Variants in ZDHHC7 observed in about 807,000 individuals in gnomAD.
ZDHHC7 encodes palmitoyltransferase ZDHHC7.
In ZDHHC7, 12 loss-of-function variants were observed where a neutral mutation model predicts 34.1. The observed-to-expected ratio is 0.35, with a 90% CI of 0.23 to 0.57. The LOEUF (loss-of-function observed/expected upper bound fraction) is 0.57. ZDHHC7 is among the 20% of genes least tolerant of loss of function. The pLI is 0.84. For synonymous variants in ZDHHC7, 185 were observed against 155.4 expected, an observed-to-expected ratio of 1.19 and a Z score of -1.42; for missense variants, 388 against 402.7, an observed-to-expected ratio of 0.96 and a Z score of 0.31.
rs564143334 is a variant in ZDHHC7, at chr16:85,008,677, G to A, written c.-104+2609C>T. 1.2e-4 allele frequency among the ~76,000 whole-genome samples: 19 copies of A among 152,054 alleles called. No homozygotes were observed. In the South Asian group the frequency reaches 3.9e-3, roughly 32 times the overall value. ...CAGCAAGTTGTTAACACTGACCCTG[G>A]AGACTAACTTTGGGAATAAGATATT... On this transcript the variant is annotated intron_variant, in intron 1 of 7. Coordinates refer to ENST00000313732, the MANE Select transcript of ZDHHC7 (RefSeq NM_017740.3).
At chr16:84,987,153 G>GC (rs2072447257) in intron 3 of ZDHHC7, among the ~76,000 whole-genome samples, 1 of 152,210 alleles carries the variant, frequency 6.6e-6, no homozygotes, top group Non-Finnish European at 1.5e-5. Context: ...GCAGCCAGAA[G>GC]CATCCTTGCC....
chr16:84,989,881 C>G (rs564416883), intron 3 of ZDHHC7, among the ~76,000 whole-genome samples: 9 of 152,262 alleles, frequency 5.9e-5, no homozygotes, highest in African/African-American at 2.2e-4. Context: ...CTACTGACTG[C>G]TAATACCTGA....
At chr16:85,011,097 A>AG (rs967799230) in intron 1 of ZDHHC7, among the ~76,000 whole-genome samples, 189 bp downstream of exon 1, 35 of 152,242 alleles carry the variant, frequency 2.3e-4, no homozygotes, top group Admixed American at 3.3e-4. Context: ...AGGAATGACA[A>AG]GGGGGCACCT....
At chr16:84,982,132 C>A in intron 3 of ZDHHC7, 138 bp from the exon 4 acceptor site, 2 of 1,073,960 alleles carry the variant, frequency 1.9e-6, no homozygotes, top group Non-Finnish European at 2.7e-6. Context: ...GAGTTCAAGA[C>A]CAGCCTGGCC....
At chr16:85,009,045 CAA>C (rs58054151) in intron 1 of ZDHHC7, among the ~76,000 whole-genome samples, 25,312 of 138,758 alleles carry the variant, frequency 0.18, 3,000 homozygotes, top group East Asian at 0.34. Flanking sequence ...AACTCCGTCT[CAA>C]AAAAAAAAAA....
At chr16:85,015,820 GAAC>G (rs1358640175), upstream of ZDHHC7, among the ~76,000 whole-genome samples, 1 of 150,036 alleles carries the variant, frequency 6.7e-6, no homozygotes, top group Non-Finnish European at 1.5e-5. Flanking sequence ...TAGGGAGACA[GAAC>G]AAGATCCTAT....
intron 2 of ZDHHC7, among the ~76,000 whole-genome samples, chr16:84,991,102 A>C (rs189397010): frequency 1.3e-5 from 2 of 152,330 alleles, no homozygotes; most frequent in Non-Finnish European, 2.9e-5. Context: ...ATGACGAGTA[A>C]GTCACTGGTT....
Position 84,990,522 on chromosome 16 carries a change from C to G in ZDHHC7, c.97G>C (p.Ala33Pro). The G allele has an allele frequency of 1.2e-6, 2 of 1,614,186 alleles. No individual in the cohort carries two copies. Among genetic ancestry groups the G allele is most frequent in the Non-Finnish European group, 8.5e-7 (1 of 1,180,040 alleles). Residue 33 changes from alanine to proline, a missense_variant, in exon 3 of 8, where the codon GCT (alanine) becomes CCT (proline). Ala to Pro is a conservative substitution (Grantham distance 27). Transcript: ENST00000313732. ...AACCAGACCCGGTCAGCCACGTCAG[C>G]CTCGGAGGAGGAGGACGATGAAGAG... is the stretch of plus-strand genomic sequence containing the variant. Reference protein sequence around the residue: ...YDSSSSSSSEADVADRVWFIR... With the variant: ...YDSSSSSSSEPDVADRVWFIR...
At chr16:85,022,774 G>C in the ZDHHC7 span, among the ~76,000 whole-genome samples, 3 of 152,172 alleles carry the variant, frequency 2.0e-5, no homozygotes, top group Non-Finnish European at 2.9e-5. Context: ...TAGACAGTAT[G>C]TGCCTCCTGA....
chr16:85,005,251 C>T (rs1413106991), intron 1 of ZDHHC7, among the ~76,000 whole-genome samples: 1 of 152,196 alleles, frequency 6.6e-6, no homozygotes, highest in East Asian at 1.9e-4. Flanking sequence ...CCTAGAGTTT[C>T]CCTGTTTAAT....
In ZDHHC7 at chr16:84,990,296, G is replaced by A. The variant is rs776850275; in HGVS notation, c.315+8C>T. ...AGAGAGCCACCCAGAGACGCAGCCA[G>A]TACTCACAGGGTCGGTGAGCATGGT... On this transcript the variant is annotated splice_region_variant and intron_variant, in intron 3 of 7. Transcript: ENST00000313732. 6.2e-6 allele frequency: 10 copies of A among 1,612,576 alleles called. No homozygotes were observed. The highest frequency in any genetic ancestry group is 6.8e-6 in the Non-Finnish European group (8 of 1,178,902).
intron 1 of ZDHHC7, among the ~76,000 whole-genome samples, chr16:85,007,035 T>TAAGATGTTGAACCAAAATA (rs2072726114): frequency 6.6e-6 from 1 of 151,498 alleles, no homozygotes; most frequent in South Asian, 2.1e-4. Flanking sequence ...TTCAAAACCG[T>TAAGATGTTGAACCAAAATA]AAGATGCTGA....
chr16:85,012,623 G>T (rs938235010), upstream of ZDHHC7, among the ~76,000 whole-genome samples: 1 of 152,004 alleles, frequency 6.6e-6, no homozygotes, highest in African/African-American at 2.4e-5. Context: ...CCAGAATAAG[G>T]CCAGGTGTGG....
rs987486283 is a variant in ZDHHC7, at chr16:84,974,890, G to C, written c.*1453C>G. The C allele has an allele frequency of 2.0e-5, 3 of 152,610 alleles. No individual in the cohort carries two copies. The highest frequency in any genetic ancestry group is 4.4e-5 in the Non-Finnish European group (3 of 68,056). The allele number at this position is 152,610 out of a possible 1,614,324, so 9.5% of individuals were successfully genotyped here. The stretch of plus-strand genomic sequence containing the variant: ...CAGTGGTAGAAGCCCTGATTCGGAT[G>C]GGGTACAGAGTAATTAAAAACAAAA... On this transcript the variant is annotated 3_prime_UTR_variant, in exon 8 of 8. Coordinates refer to ENST00000313732, the MANE Select transcript of ZDHHC7 (RefSeq NM_017740.3).
At chr16:84,991,921 C>T (rs375430994) in intron 2 of ZDHHC7, among the ~76,000 whole-genome samples, 9 of 152,152 alleles carry the variant, frequency 5.9e-5, no homozygotes, top group East Asian at 5.8e-4. Context: ...AAAGTAGGAC[C>T]GGGCACAGTG....
Position 84,990,394 on chromosome 16 carries a change from G to T in ZDHHC7, c.225C>A (p.Asp75Glu). Residue 75 changes from aspartate (D) to glutamate (E), a missense_variant, in exon 3 of 8, where the codon GAC becomes GAA. Physicochemically the swap from Asp to Glu is conservative, Grantham distance 45. Transcript: ENST00000313732. ...CCCCGTTGACCACAGAGTACCAGAA[G>T]TCTTTGGAAGGCAGCAGCATGACGA... ...VTFVMLLPSK[D>E]FWYSVVNGVI... is the part of the protein sequence containing the mutation. 6.2e-7 allele frequency: 1 copy of T among 1,614,160 alleles called. No individual in the cohort carries two copies. Among genetic ancestry groups the T allele is most frequent in the Non-Finnish European group, 8.5e-7 (1 of 1,180,036 alleles).
rs116479832 is a variant in ZDHHC7 at position 84,987,799 on chromosome 16, A to C, written c.315+2505T>G. Among the ~76,000 whole-genome samples, 957 of 152,342 alleles carry C rather than the reference A, an allele frequency of 6.3e-3. 7 individuals carry two copies. Among genetic ancestry groups the C allele is most frequent in the African/African-American group, 0.022 (917 of 41,578 alleles). ...AATGAAGCACTGATCATGCCACAGC[A>C]CGATGGACCCCGAAGACGCAATGCC... On this transcript the variant is annotated intron_variant, in intron 3 of 7. Transcript: ENST00000313732.
At chr16:85,017,102 G>T in the ZDHHC7 span, among the ~76,000 whole-genome samples, 1 of 152,040 alleles carries the variant, frequency 6.6e-6, no homozygotes, top group African/African-American at 2.4e-5. Context: ...CACCGCACCG[G>T]CCAACTTGTT....
chr16:85,013,010 G>A (rs982249425), upstream of ZDHHC7, among the ~76,000 whole-genome samples: 5 of 152,154 alleles, frequency 3.3e-5, no homozygotes, highest in Admixed American at 1.3e-4. Context: ...ACAAATGCAG[G>A]AAAAGTTCTC....
Sources: gnomAD v4.1 joint callset for allele counts (sites outside exome capture counted in the v4.1 genomes callset) on GRCh38, gnomAD v4.1.1 for gene constraint, MANE v1.5 for transcripts, NCBI Gene and HGNC (gene_info 2026-07-23, HGNC 2026-07-21) for gene names.